The following HRH1 variants were observed in gnomAD, a reference collection of about 807,000 sequenced individuals.
The protein encoded by HRH1 is histamine H1 receptor.
Under a neutral mutation model 10.3 loss-of-function variants are expected in HRH1, and 6 were observed. The ratio of observed to expected loss-of-function variants is 0.58; its 90% CI spans 0.32 to 1.15. HRH1 has a LOEUF of 1.15. Ranked by LOEUF, HRH1 falls within the 50% of genes most tolerant of loss-of-function variation. The pLI, the probability that HRH1 is intolerant of heterozygous loss-of-function variation, is 0.05. For synonymous variants in HRH1, 242 were observed against 236.7 expected (o/e 1.02, Z -0.21); for missense variants, 514 against 615.3 (o/e 0.84, Z 1.74).
chr3:11,179,917 T>A (rs562264449), intron 1 of HRH1, among the ~76,000 whole-genome samples: 24 of 151,990 alleles, frequency 1.6e-4, no homozygotes, highest in African/African-American at 4.1e-4. Context: ...ACCACAGGCA[T>A]GCGCCACCAT....
At chr3:11,165,368 C>G (rs1036137000) in intron 1 of HRH1, among the ~76,000 whole-genome samples, 1 of 152,156 alleles carries the variant, frequency 6.6e-6, no homozygotes, top group African/African-American at 2.4e-5. Context: ...GGCATATATC[C>G]TTTTTCCTGA....
rs1939888381 is a variant in HRH1 at position 11,259,722 on chromosome 3, A to G, written c.685A>G (p.Arg229Gly). ...QHCQHRELIN[R>G]SLPSFSEIKL... Reference sequence around the variant, plus strand: ...CTGCCAGCACCGGGAGCTCATCAATAGGTCCCTCCCTTCCTTCTCAGAAAT... The same window carrying G: ...CTGCCAGCACCGGGAGCTCATCAATGGGTCCCTCCCTTCCTTCTCAGAAAT... The change falls in exon 2 of 2, where the codon AGG becomes GGG. Residue 229 changes from arginine (R) to glycine (G), a missense_variant. Physicochemically the swap from Arg to Gly is moderately radical, Grantham distance 125 (BLOSUM62 -2). Transcript: ENST00000431010. This position sits in a 1 kb window ranked among gnomAD's most constrained non-coding sequence, Gnocchi z 4.6. 6.2e-7 allele frequency: 1 copy of G among 1,613,962 alleles called. No homozygotes were observed. The highest frequency in any genetic ancestry group is 8.5e-7 in the Non-Finnish European group (1 of 1,180,002).
At chr3:11,234,665 G>A (rs2125045497) in intron 1 of HRH1, 4 of 1,268,154 alleles carry the variant, frequency 3.2e-6, no homozygotes, top group East Asian at 4.6e-5. Context: ...TTCCCTTCCT[G>A]CCGGCAGTAG....
intron 1 of HRH1, among the ~76,000 whole-genome samples, chr3:11,241,830 C>T (rs1378631360): frequency 1.4e-4 from 20 of 146,694 alleles, no homozygotes; most frequent in Non-Finnish European, 3.0e-5. Flanking sequence ...AGCGAGACTC[C>T]GTTTCAAAAA....
intron 1 of HRH1, among the ~76,000 whole-genome samples, chr3:11,189,099 G>T (rs972096943): frequency 6.6e-6 from 1 of 152,224 alleles, no homozygotes; most frequent in Admixed American, 6.5e-5. Context: ...CTCTGAGTGA[G>T]CAGGGAAGGT....
At chr3:11,180,127 A>C (rs921715861) in intron 1 of HRH1, among the ~76,000 whole-genome samples, 4 of 152,044 alleles carry the variant, frequency 2.6e-5, no homozygotes, top group African/African-American at 9.7e-5. Context: ...CACCTGTCTA[A>C]ACTGAATTTG....
At chr3:11,172,930 C>CA (rs1937181715) in intron 1 of HRH1, among the ~76,000 whole-genome samples, 1 of 152,120 alleles carries the variant, frequency 6.6e-6, no homozygotes, top group Admixed American at 6.5e-5. Flanking sequence ...TCTTCCTGAT[C>CA]TTGTGATCCA....
intron 1 of HRH1, among the ~76,000 whole-genome samples, chr3:11,237,833 G>T (rs1349924727): frequency 6.6e-6 from 1 of 151,568 alleles, no homozygotes; most frequent in South Asian, 2.1e-4. Flanking sequence ...GCGCCACCAC[G>T]CCCTGCTAAT....
chr3:11,162,226 C>A (rs976974632), intron 1 of HRH1, among the ~76,000 whole-genome samples: 4 of 152,206 alleles, frequency 2.6e-5, no homozygotes, highest in African/African-American at 4.8e-5. Flanking sequence ...TAGATACAGT[C>A]ACCATGCAAG....
intron 1 of HRH1, among the ~76,000 whole-genome samples, chr3:11,205,755 A>T (rs1022699258): frequency 6.7e-6 from 1 of 150,322 alleles, no homozygotes; most frequent in African/African-American, 2.5e-5. Context: ...TCCGCCTCCC[A>T]GATTCAAGTG....
upstream of HRH1, among the ~76,000 whole-genome samples, chr3:11,152,555 T>C (rs1481289064): frequency 5.3e-5 from 8 of 152,098 alleles, no homozygotes; most frequent in Non-Finnish European, 1.2e-4. Context: ...AAATGCAGAA[T>C]GGAGAGAGGA....
intron 1 of HRH1, among the ~76,000 whole-genome samples, chr3:11,247,643 G>T (rs1418179229): frequency 6.6e-6 from 1 of 152,160 alleles, no homozygotes; most frequent in Admixed American, 6.5e-5. Context: ...GTATAAGGAA[G>T]TTGGTCTAAG....
rs566996602 is a variant in HRH1, at chr3:11,182,915, G to T, written c.-36+28361G>T. Among the ~76,000 whole-genome samples the T allele has an allele frequency of 7.2e-5, 11 of 152,208 alleles. 1 individual carries two copies. The South Asian group carries it at 2.3e-3, about 32-fold the overall frequency. On this transcript the variant is annotated intron_variant, in intron 1 of 1. Transcript: ENST00000431010. ...GTCCTCTCTTTTGCTGCCACACCTTGCCTCCTAGGATACTCCATCTCCTGG... is the reference window on the plus strand; with the variant it reads ...GTCCTCTCTTTTGCTGCCACACCTTTCCTCCTAGGATACTCCATCTCCTGG...
At chr3:11,173,874 G>A (rs1459875988) in intron 1 of HRH1, among the ~76,000 whole-genome samples, 1 of 152,194 alleles carries the variant, frequency 6.6e-6, no homozygotes, top group Non-Finnish European at 1.5e-5. Flanking sequence ...GACAGACTCT[G>A]CCAGGTGTAA....
At chr3:11,172,628 G>A (rs1937172897) in intron 1 of HRH1, among the ~76,000 whole-genome samples, 1 of 151,906 alleles carries the variant, frequency 6.6e-6, no homozygotes, top group Admixed American at 6.6e-5. Context: ...AAGGGACTCA[G>A]GACCCCCAGA....
At chr3:11,181,166 C>G (rs569147670) in intron 1 of HRH1, among the ~76,000 whole-genome samples, 17 of 152,172 alleles carry the variant, frequency 1.1e-4, no homozygotes, top group African/African-American at 4.1e-4. Flanking sequence ...GCCTGTAGTC[C>G]CAGCCACTCA....
intron 1 of HRH1, among the ~76,000 whole-genome samples, chr3:11,201,867 A>G (rs1025507573): frequency 1.3e-5 from 2 of 152,218 alleles, no homozygotes; most frequent in African/African-American, 4.8e-5. Context: ...CCGAGAAGTT[A>G]AAGGAAATCA....
chr3:11,259,736 C>T lies in HRH1; in HGVS notation c.699C>T (p.Ser233=). Residue 233 remains serine, a synonymous_variant, in exon 2 of 2, where the codon TCC becomes TCT. Transcript: ENST00000431010. The surrounding 1 kb of genome is among the most constrained non-coding windows in gnomAD (Gnocchi z 4.6). ...AGCTCATCAATAGGTCCCTCCCTTC[C>T]TTCTCAGAAATTAAGCTGAGGCCAG... ...HRELINRSLP[S]FSEIKLRPEN... 6.2e-7 allele frequency: 1 copy of T among 1,614,116 alleles called. No individual in the cohort carries two copies. The highest frequency in any genetic ancestry group is 8.5e-7 in the Non-Finnish European group (1 of 1,180,030).
At chr3:11,179,377 T>C (rs1306250733) in intron 1 of HRH1, among the ~76,000 whole-genome samples, 1 of 151,872 alleles carries the variant, frequency 6.6e-6, no homozygotes, top group Non-Finnish European at 1.5e-5. Flanking sequence ...TGCTAGCACT[T>C]TGGGAGGCCG....
Sources: allele counts gnomAD v4.1 joint callset (sites outside exome capture counted in the v4.1 genomes callset), GRCh38; gene constraint gnomAD v4.1.1; non-coding constraint Gnocchi (gnomAD v3.1); transcripts MANE v1.5; gene names NCBI Gene and HGNC (gene_info 2026-07-23, HGNC 2026-07-21).